The following NEBL variants were observed in gnomAD, a reference collection of about 807,000 sequenced individuals.
NEBL encodes the protein nebulette.
In NEBL, 122 loss-of-function variants were observed where a neutral mutation model predicts 140.2. That is an observed-to-expected ratio of 0.87 (90% confidence interval 0.75 to 1.01). NEBL has a LOEUF of 1.01. NEBL is among the 50% of genes least tolerant of loss of function. NEBL has a pLI of 0.00. For synonymous variants in NEBL, 436 were observed against 398.9 expected, an observed-to-expected ratio of 1.09 and a Z score of -1.11; for missense variants, 1,365 against 1,231.3, an observed-to-expected ratio of 1.11 and a Z score of -1.62.
chr10:20,800,739 T>C (rs1002660044), intron 26 of NEBL, among the ~76,000 whole-genome samples: 4 of 152,074 alleles, frequency 2.6e-5, no homozygotes, highest in African/African-American at 9.7e-5. Context: ...ACCAATACTA[T>C]TTCTACATCA....
At chr10:21,054,544 C>G (rs1221085896) in intron 2 of NEBL, among the ~76,000 whole-genome samples, 1 of 152,096 alleles carries the variant, frequency 6.6e-6, no homozygotes, top group Non-Finnish European at 1.5e-5. Context: ...CAAGCTTTTT[C>G]TGTTTTCTTT....
At chr10:21,044,352 G>A (rs1193172479) in intron 2 of NEBL, among the ~76,000 whole-genome samples, 3 of 132,408 alleles carry the variant, frequency 2.3e-5, no homozygotes, top group African/African-American at 8.1e-5. Context: ...AGCTGAGATG[G>A]TGCCACCGCA....
At chr10:20,841,499 TC>T (rs1841407259) in intron 12 of NEBL, 1 of 152,458 alleles carries the variant, frequency 6.6e-6, no homozygotes, top group Non-Finnish European at 1.5e-5. Flanking sequence ...TCAGAATATT[TC>T]AAGGCCCCCT....
rs181649380 is a variant in NEBL at position 21,083,317 on chromosome 10, T to C, written c.165-63116A>G. Among the ~76,000 whole-genome samples, 19 of 152,344 alleles carry C rather than the reference T, an allele frequency of 1.2e-4. No individual in the cohort carries two copies. In the East Asian group the frequency reaches 3.7e-3, roughly 29 times the overall value. ...CTTTCAAAATGAAACTGTGTAGTTG[T>C]TGTATTTGACTATCCAGGAAGTTTT... On this transcript the variant is annotated intron_variant, in intron 2 of 6. Transcript: ENST00000417816.
At chr10:21,026,203 A>G (rs1409670958) in intron 2 of NEBL, among the ~76,000 whole-genome samples, 4 of 152,202 alleles carry the variant, frequency 2.6e-5, no homozygotes, top group Admixed American at 2.6e-4. Flanking sequence ...CTCAGAGGAC[A>G]TTTGGCAATA....
At chr10:21,020,019 G>C in intron 3 of NEBL, 1 of 1,068,894 alleles carries the variant, frequency 9.4e-7, no homozygotes, top group South Asian at 1.3e-5. Context: ...ACCGGCTGGT[G>C]ACCCAGCAGG....
At chr10:20,906,803 G>A (rs1848112125) in intron 4 of NEBL, among the ~76,000 whole-genome samples, 1 of 152,160 alleles carries the variant, frequency 6.6e-6, no homozygotes, top group East Asian at 1.9e-4. Flanking sequence ...CTATGGGCCA[G>A]GCCTCATGTT....
At chr10:20,923,353 C>G (rs1589018168) in intron 4 of NEBL, among the ~76,000 whole-genome samples, 2 of 152,076 alleles carry the variant, frequency 1.3e-5, no homozygotes, top group Non-Finnish European at 2.9e-5. Flanking sequence ...AGGCATGAAA[C>G]ACCACACCTG....
chr10:21,152,996 G>A (rs1369164280), intron 2 of NEBL, among the ~76,000 whole-genome samples: 1 of 152,134 alleles, frequency 6.6e-6, no homozygotes, highest in African/African-American at 2.4e-5. Context: ...CAGACTTGGT[G>A]GATTTTATCT....
chr10:20,872,571 G>A (rs1329426485), intron 5 of NEBL, among the ~76,000 whole-genome samples: 2 of 152,156 alleles, frequency 1.3e-5, no homozygotes, highest in East Asian at 3.8e-4. Flanking sequence ...TCTTGAGAAG[G>A]GAATGGGTAA....
upstream of NEBL, among the ~76,000 whole-genome samples, chr10:21,179,886 G>T (rs1841360974): frequency 6.6e-6 from 1 of 152,100 alleles, no homozygotes; most frequent in African/African-American, 2.4e-5. Context: ...ACCTGTAATT[G>T]CAGCACTTTG....
Position 20,888,192 on chromosome 10 carries a change from T to C in NEBL, c.274A>G (p.Thr92Ala). The C allele has an allele frequency of 6.2e-7, 1 of 1,608,452 alleles. No individual in the cohort carries two copies. Among genetic ancestry groups the C allele is most frequent in the Non-Finnish European group, 8.5e-7 (1 of 1,177,016 alleles). Residue 92 changes from threonine to alanine, a missense_variant, in exon 4 of 28, where the codon ACC becomes GCC. Coordinates refer to ENST00000377122, the MANE Select transcript of NEBL (RefSeq NM_006393.3). Reference sequence around the variant, plus strand: ...GAATTAGAAAGGTCAGCTTTAATGGTGCCTTTGTATTTTGCCTGGGGGAAA... The same window carrying C: ...GAATTAGAAAGGTCAGCTTTAATGGCGCCTTTGTATTTTGCCTGGGGGAAA... ...AFISEAKYKGTIKADLSNSLY... is the reference protein window; with the variant it reads ...AFISEAKYKGAIKADLSNSLY...
At chr10:21,116,110 T>G (rs780063479) in intron 2 of NEBL, among the ~76,000 whole-genome samples, 33 of 152,148 alleles carry the variant, frequency 2.2e-4, no homozygotes, top group Non-Finnish European at 3.1e-4. Flanking sequence ...ATACTCTTTT[T>G]TTTTCCTCTA....
chr10:20,964,421 G>T (rs750607717), intron 3 of NEBL, among the ~76,000 whole-genome samples: 14 of 152,178 alleles, frequency 9.2e-5, no homozygotes, highest in Non-Finnish European at 1.9e-4. Flanking sequence ...TCTGCTTCTG[G>T]TCAGAGCCTC....
chr10:20,796,229 G>C (rs1476387350), intron 26 of NEBL, among the ~76,000 whole-genome samples: 1 of 151,896 alleles, frequency 6.6e-6, no homozygotes, highest in Admixed American at 6.6e-5. Flanking sequence ...AGGGCGTAGT[G>C]GTGGGCGCCC....
At chr10:20,914,377 T>C (rs1212779491) in intron 4 of NEBL, among the ~76,000 whole-genome samples, 1 of 152,220 alleles carries the variant, frequency 6.6e-6, no homozygotes, top group Non-Finnish European at 1.5e-5. Context: ...ACAGTTTACA[T>C]GAAGTCCAGC....
intron 3 of NEBL, among the ~76,000 whole-genome samples, chr10:21,185,707 G>C (rs988900956): frequency 6.6e-6 from 1 of 151,774 alleles, no homozygotes; most frequent in Admixed American, 6.6e-5. Context: ...ATGTTGGCCA[G>C]GCTGGTCTCG....
At chr10:20,809,324 C>T (rs956433861) in intron 25 of NEBL, among the ~76,000 whole-genome samples, 1 of 152,092 alleles carries the variant, frequency 6.6e-6, no homozygotes, top group Admixed American at 6.5e-5. Flanking sequence ...CTATGCTTGC[C>T]ATGTAAACTA....
At chr10:21,243,801 C>T (rs1423042274) in intron 3 of NEBL, among the ~76,000 whole-genome samples, 1 of 152,036 alleles carries the variant, frequency 6.6e-6, no homozygotes, top group Non-Finnish European at 1.5e-5. Context: ...GCACACATTC[C>T]CCTAGGCGTA....
Sources: allele counts gnomAD v4.1 joint callset (sites outside exome capture counted in the v4.1 genomes callset), GRCh38; gene constraint gnomAD v4.1.1; transcripts MANE v1.5; gene names NCBI Gene and HGNC (gene_info 2026-07-23, HGNC 2026-07-21).